The following WDR4 variants were observed in gnomAD, a reference collection of about 807,000 sequenced individuals.
The protein encoded by WDR4 is tRNA (guanine-N(7)-)-methyltransferase non-catalytic subunit WDR4.
WDR4 carries 47 observed loss-of-function variants against 48.6 expected under a neutral mutation model. That is an observed-to-expected ratio of 0.97 (90% CI 0.77 to 1.23). The LOEUF (loss-of-function observed/expected upper bound fraction) is 1.23, where lower values mean the gene tolerates loss of function less well. Among genes scored for constraint, WDR4 ranks in the 50% most tolerant of loss-of-function variants. WDR4 has a pLI of 0.00. For synonymous variants in WDR4, 268 were observed against 230.0 expected (o/e 1.17, Z -1.49); for missense variants, 606 against 551.6 (o/e 1.10, Z -0.99).
chr21:42,884,801 G>C, the WDR4 span, among the ~76,000 whole-genome samples: 39 of 152,140 alleles, frequency 2.6e-4, no homozygotes, highest in African/African-American at 8.2e-4. Flanking sequence ...TTTTCCGACA[G>C]AGTCTCACTG....
At chr21:42,889,996 TGCTTGAGCCCTG>T in the WDR4 span, among the ~76,000 whole-genome samples, 1 of 149,996 alleles carries the variant, frequency 6.7e-6, no homozygotes, top group Non-Finnish European at 1.5e-5. Flanking sequence ...GTGGGAAGAT[TGCTTGAGCCCTG>T]GAGTTTGAAA....
intron 6 of WDR4, among the ~76,000 whole-genome samples, chr21:42,858,631 G>A (rs1024524258): frequency 9.5e-4 from 145 of 152,328 alleles, no homozygotes; most frequent in Non-Finnish European, 1.6e-3. Flanking sequence ...GGCCTGGGGA[G>A]GCTTCTCTGC....
upstream of WDR4, among the ~76,000 whole-genome samples, chr21:42,881,987 G>A (rs2058613530): frequency 1.3e-5 from 2 of 151,896 alleles, no homozygotes; most frequent in South Asian, 4.2e-4. Context: ...TTTTAGTAGA[G>A]ACGGGGTTTC....
At chr21:42,876,873 CA>C in intron 1 of WDR4, 106 bp from the exon 2 acceptor site, 1 of 1,028,246 alleles carries the variant, frequency 9.7e-7, no homozygotes, top group Admixed American at 2.6e-5. Context: ...GGCTCCAGTA[CA>C]ATGGCACGAT....
chr21:42,863,605 C>T lies in WDR4; in HGVS notation c.297-9G>A, dbSNP rs1303136305. 1 of 1,609,500 alleles carries T rather than the reference C, an allele frequency of 6.2e-7. No individual in the cohort carries two copies. Among genetic ancestry groups the T allele is most frequent in the Non-Finnish European group, 8.5e-7 (1 of 1,177,272 alleles). Reference sequence around the variant, plus strand: ...ACCTCCTTGCCACGGTCCTAGAAGGCCAGAAAGACACCCCCATTAGCTTCC... The same window carrying T: ...ACCTCCTTGCCACGGTCCTAGAAGGTCAGAAAGACACCCCCATTAGCTTCC... On this transcript the variant is annotated splice_polypyrimidine_tract_variant and intron_variant, in intron 3 of 10. Transcript: ENST00000398208.
intron 6 of WDR4, among the ~76,000 whole-genome samples, chr21:42,856,578 T>A (rs2057997974): frequency 6.6e-6 from 1 of 152,030 alleles, no homozygotes; most frequent in Admixed American, 6.5e-5. Context: ...TTAAAAAAAA[T>A]TCATTACAGC....
chr21:42,884,747 C>T, the WDR4 span, among the ~76,000 whole-genome samples: 1 of 152,012 alleles, frequency 6.6e-6, no homozygotes, highest in African/African-American at 2.4e-5. Context: ...CCAGTTTCTC[C>T]ACATCCTCAC....
chr21:42,855,660 A>G (rs2057968572), intron 7 of WDR4, 22 bp downstream of exon 7: 2 of 1,530,976 alleles, frequency 1.3e-6, no homozygotes, highest in South Asian at 2.4e-5. Context: ...TCAGTCGCCC[A>G]GGAGTGAACA....
chr21:42,867,553 T>C (rs959093261), intron 3 of WDR4, among the ~76,000 whole-genome samples: 1 of 152,318 alleles, frequency 6.6e-6, no homozygotes, highest in South Asian at 2.1e-4. Flanking sequence ...TTTGGAATAT[T>C]TGCAAATACT....
chr21:42,856,166 T>C (rs1236674590), intron 6 of WDR4, among the ~76,000 whole-genome samples: 1 of 152,162 alleles, frequency 6.6e-6, no homozygotes, highest in Non-Finnish European at 1.5e-5. Context: ...CGCAGACACT[T>C]CAGCAATCAT....
chr21:42,852,444 G>A, intron 9 of WDR4, 120 bp from the exon 10 acceptor site: 1 of 1,149,052 alleles, frequency 8.7e-7, no homozygotes, highest in South Asian at 1.4e-5. Flanking sequence ...GGTGCCTGGG[G>A]ACCCCCATTC....
At chr21:42,867,256 T>C (rs2058266714) in intron 3 of WDR4, among the ~76,000 whole-genome samples, 1 of 152,034 alleles carries the variant, frequency 6.6e-6, no homozygotes, top group Non-Finnish European at 1.5e-5. Context: ...TCAGGCGTGG[T>C]GGCTCATTCC....
At chr21:42,863,828 C>G (rs7280803) in intron 3 of WDR4, among the ~76,000 whole-genome samples, 1 of 149,860 alleles carries the variant, frequency 6.7e-6, no homozygotes, top group Non-Finnish European at 1.5e-5. Flanking sequence ...TGCTCCTAGC[C>G]GGGCGCAGTG....
rs773417076 is a variant in WDR4, at chr21:42,862,228, C to A, written c.566+54G>T. 865 of 1,314,292 alleles carry A rather than the reference C, an allele frequency of 6.6e-4. 1 individual carries two copies. The highest frequency in any genetic ancestry group is 8.5e-4 in the Non-Finnish European group (806 of 946,150). 81.4% of individuals were successfully genotyped at this position (1,314,292 alleles called of 1,614,324 possible). ...CGGCACCTGCTGAGCCGCAAGCTGA[C>A]GCTGTTTTCAAACAGACCTTCTTTC... On this transcript the variant is annotated intron_variant, in intron 5 of 10. Coordinates refer to ENST00000398208, the MANE Select transcript of WDR4 (RefSeq NM_018669.6). This position sits in a 1 kb window ranked among gnomAD's most constrained non-coding sequence, Gnocchi z 4.3.
Position 42,862,463 on chromosome 21 carries a change from A to G in WDR4, c.454-69T>C. 6.9e-7 allele frequency: 1 copy of G among 1,443,168 alleles called. No homozygotes were observed. Among genetic ancestry groups the G allele is most frequent in the Non-Finnish European group, 9.5e-7 (1 of 1,056,570 alleles). 89.4% of individuals were successfully genotyped at this position (1,443,168 alleles called of 1,614,324 possible). On this transcript the variant is annotated intron_variant, in intron 4 of 10. Transcript: ENST00000398208. The surrounding 1 kb of genome is among the most constrained non-coding windows in gnomAD (Gnocchi z 4.3). ...TCTTCCCGAATCAAGTCCCTCATGG[A>G]AGAAGGCAGGGAAGCTGCAGCCTGG... is the stretch of plus-strand genomic sequence containing the variant.
downstream of WDR4, among the ~76,000 whole-genome samples, chr21:42,846,564 C>T (rs770943758): frequency 2.0e-5 from 3 of 152,286 alleles, no homozygotes; most frequent in South Asian, 2.1e-4. Flanking sequence ...TGAAGAAAGA[C>T]GGGCTGGGCA....
intron 7 of WDR4, 32 bp from the exon 8 acceptor site, chr21:42,854,658 C>T (rs955075056): frequency 6.2e-7 from 1 of 1,607,710 alleles, no homozygotes; most frequent in Non-Finnish European, 8.5e-7. Flanking sequence ...TAACTTCACG[C>T]CACCTGCAGG....
rs368182433 is a variant in WDR4 at position 42,862,675 on chromosome 21, G to A, written c.454-281C>T. Among the ~76,000 whole-genome samples the A allele has an allele frequency of 9.9e-5, 15 of 152,164 alleles. No homozygotes were observed. Among genetic ancestry groups the A allele is most frequent in the African/African-American group, 3.6e-4 (15 of 41,508 alleles). On this transcript the variant is annotated intron_variant, in intron 4 of 10. Coordinates refer to ENST00000398208, the MANE Select transcript of WDR4 (RefSeq NM_018669.6). This position sits in a 1 kb window ranked among gnomAD's most constrained non-coding sequence, Gnocchi z 4.3. ...TGCCACCCCTGCCTGCCTGTCTCCC[G>A]CACCTTGGCAAATCCAGGCCCCACG...
intron 1 of WDR4, among the ~76,000 whole-genome samples, chr21:42,877,436 C>A (rs547888541): frequency 6.6e-5 from 10 of 150,852 alleles, no homozygotes; most frequent in Non-Finnish European, 1.5e-4. Flanking sequence ...AGCCACTGCG[C>A]CCAGCCTAAC....
Sources: gnomAD v4.1 joint callset for allele counts (sites outside exome capture counted in the v4.1 genomes callset) on GRCh38, gnomAD v4.1.1 for gene constraint, Gnocchi (gnomAD v3.1) non-coding constraint, MANE v1.5 for transcripts, NCBI Gene and HGNC (gene_info 2026-07-23, HGNC 2026-07-21) for gene names.